Variants in UNKL observed in about 807,000 individuals in gnomAD.
UNKL encodes the protein unk like zinc finger.
UNKL carries 60 observed loss-of-function variants against 78.0 expected under a neutral mutation model. The observed-to-expected ratio is 0.77, with a 90% CI of 0.63 to 0.95. UNKL has a LOEUF of 0.95. Among genes scored for constraint, UNKL ranks in the 40% least tolerant of loss-of-function variants. UNKL has a pLI of 0.00. For synonymous variants in UNKL, 608 were observed against 474.8 expected, an observed-to-expected ratio of 1.28 and a Z score of -3.65; for missense variants, 1,159 against 1,045.7, an observed-to-expected ratio of 1.11 and a Z score of -1.49.
intron 9 of UNKL, among the ~76,000 whole-genome samples, chr16:1,386,911 G>C (rs556191144): frequency 4.6e-5 from 7 of 152,276 alleles, no homozygotes; most frequent in African/African-American, 1.4e-4. Context: ...ACAGCCACCA[G>C]AGCTCCCTGC....
chr16:1,413,747 G>A (rs763079050), intron 2 of UNKL, 99 bp downstream of exon 2: 9 of 1,304,076 alleles, frequency 6.9e-6, no homozygotes, highest in African/African-American at 3.0e-5. Context: ...CAGGGGCCAG[G>A]TATGGACACT....
Position 1,403,443 on chromosome 16 carries a change from A to C in UNKL, c.288-99T>G. The stretch of plus-strand genomic sequence containing the variant: ...CCCTGTCAGCACGTGGCAAGCAGTG[A>C]ATTCCCTTCCCTTCTTCCAGATTCC... On this transcript the variant is annotated intron_variant, in intron 2 of 14. Coordinates refer to ENST00000389221, the MANE Select transcript of UNKL (RefSeq NM_001372107.1). This position sits in a 1 kb window ranked among gnomAD's most constrained non-coding sequence, Gnocchi z 4.8. 1 of 1,355,554 alleles carries C rather than the reference A, an allele frequency of 7.4e-7. No homozygotes were observed. The highest frequency in any genetic ancestry group is 1.4e-5 in the South Asian group (1 of 70,944). The allele number at this position is 1,355,554 out of a possible 1,614,324, so 84.0% of individuals were successfully genotyped here.
At chr16:1,374,910 G>A (rs561787190) in intron 10 of UNKL, among the ~76,000 whole-genome samples, 1 of 152,374 alleles carries the variant, frequency 6.6e-6, no homozygotes, top group South Asian at 2.1e-4. Flanking sequence ...AGGCAGGAGG[G>A]TGACTTCTGA....
At chr16:1,366,572 G>A (rs192273533) in intron 14 of UNKL, among the ~76,000 whole-genome samples, 177 bp from the exon 15 acceptor site, 1 of 152,004 alleles carries the variant, frequency 6.6e-6, no homozygotes, top group Non-Finnish European at 1.5e-5. Flanking sequence ...GCAGCTGCGG[G>A]GTCAGGGGGT....
rs191595325 is a variant in UNKL at position 1,390,503 on chromosome 16, G to A, written c.1086+129C>T. 6.7e-4 allele frequency: 643 copies of A among 953,246 alleles called. 3 individuals carry two copies. The highest frequency in any genetic ancestry group is 2.2e-3 in the Middle Eastern group (7 of 3,150). The allele number at this position is 953,246 out of a possible 1,614,324, so 59.0% of individuals were successfully genotyped here. A position where few individuals can be genotyped will look rare whatever the true frequency, so the allele number is the denominator to read the frequency against. On this transcript the variant is annotated intron_variant, in intron 9 of 14. Transcript: ENST00000389221. Reference sequence around the variant, plus strand: ...CGTCAACCAGATGGCTTTGCGAGCCGAGAGTGGGCGGGACCAAGGATGCAT... The same window carrying A: ...CGTCAACCAGATGGCTTTGCGAGCCAAGAGTGGGCGGGACCAAGGATGCAT...
chr16:1,379,459 T>G (rs2036485530), intron 10 of UNKL: 1 of 984,110 alleles, frequency 1.0e-6, no homozygotes, highest in African/African-American at 1.7e-5. Context: ...CGCCTTCGCC[T>G]CGCTCCGGGC....
At chr16:1,408,260 G>GCCC (rs35934973) in intron 2 of UNKL, among the ~76,000 whole-genome samples, 95 of 150,300 alleles carry the variant, frequency 6.3e-4, no homozygotes, top group African/African-American at 1.1e-3. Flanking sequence ...CATGGGAGCT[G>GCCC]CCCCCCCCCC....
chr16:1,390,674 C>G lies in UNKL; in HGVS notation c.1044G>C (p.Pro348=), dbSNP rs947195572. ...QPGNAKRRDS[P]AEGGPRGSEQ... ...CGCTGCCCCTAGGGCCACCCTCGGC[C>G]GGCGAGTCTCTCCGCTTGGCCTGCA... The change falls in exon 9 of 15, where the codon CCG becomes CCC. Residue 348 remains proline (P), a synonymous_variant. Transcript: ENST00000389221. 3 of 1,536,030 alleles carry G rather than the reference C, an allele frequency of 2.0e-6. No individual in the cohort carries two copies. In the Admixed American group the frequency reaches 5.9e-5, roughly 30 times the overall value.
At chr16:1,375,371 C>T (rs538166013) in intron 10 of UNKL, among the ~76,000 whole-genome samples, 36 of 152,158 alleles carry the variant, frequency 2.4e-4, no homozygotes, top group Non-Finnish European at 4.3e-4. Flanking sequence ...GCAGAGGCCA[C>T]CCCCACCCCA....
intron 2 of UNKL, among the ~76,000 whole-genome samples, chr16:1,409,201 C>G (rs936300782): frequency 6.6e-6 from 1 of 152,152 alleles, no homozygotes; most frequent in Admixed American, 6.5e-5. Context: ...CGTGAGCCAC[C>G]GCGCCCAGCC....
chr16:1,400,907 T>G (rs1359565880), intron 4 of UNKL, among the ~76,000 whole-genome samples: 1 of 152,192 alleles, frequency 6.6e-6, no homozygotes, highest in African/African-American at 2.4e-5. Flanking sequence ...CAGGCTGGCC[T>G]CAAACTCCTG....
At chr16:1,379,650 C>T (rs12920864) in intron 10 of UNKL, 92,240 of 984,882 alleles carry the variant, frequency 0.094, 4,736 homozygotes, top group Non-Finnish European at 0.1. Flanking sequence ...ACTCACGGTC[C>T]GCGGCCGCCC....
At chr16:1,406,828 G>A (rs1303270457) in intron 2 of UNKL, among the ~76,000 whole-genome samples, 8 of 152,170 alleles carry the variant, frequency 5.3e-5, no homozygotes, top group South Asian at 2.1e-4. Flanking sequence ...ATTGCAAGAG[G>A]ATCTTTTAAT....
At chr16:1,378,459 A>T (rs2036402849) in intron 10 of UNKL, among the ~76,000 whole-genome samples, 1 of 152,124 alleles carries the variant, frequency 6.6e-6, no homozygotes, top group East Asian at 1.9e-4. Flanking sequence ...AGACGCAAAG[A>T]AGTTGGGGGA....
At chr16:1,367,371 AG>A (rs1258259329) in intron 13 of UNKL, 22 bp from the exon 14 acceptor site, 2 of 1,524,602 alleles carry the variant, frequency 1.3e-6, no homozygotes, top group Non-Finnish European at 1.8e-6. Flanking sequence ...GGCCCGTCTC[AG>A]CACCCCCCAC....
rs1344803169 is a variant in UNKL at position 1,399,362 on chromosome 16, C to T, written c.734+12G>A. The stretch of plus-strand genomic sequence containing the variant: ...CAGCCGGAGTCCTCTGAGCACGGTC[C>T]CGCAGGCTCACCTGTACTGGAACCG... On this transcript the variant is annotated intron_variant, in intron 5 of 14. Coordinates refer to ENST00000389221, the MANE Select transcript of UNKL (RefSeq NM_001372107.1). This position sits in a 1 kb window ranked among gnomAD's most constrained non-coding sequence, Gnocchi z 5.8. 1.3e-6 allele frequency: 2 copies of T among 1,576,620 alleles called. No homozygotes were observed. Among genetic ancestry groups the T allele is most frequent in the African/African-American group, 2.7e-5 (2 of 73,912 alleles).
intron 10 of UNKL, among the ~76,000 whole-genome samples, chr16:1,377,883 C>T (rs967207303): frequency 1.3e-5 from 2 of 152,050 alleles, no homozygotes; most frequent in Admixed American, 1.3e-4. Context: ...CAACCCACAC[C>T]CCCTGAGGCC....
chr16:1,376,250 C>CAT (rs1412607828), intron 10 of UNKL, among the ~76,000 whole-genome samples: 1 of 143,986 alleles, frequency 6.9e-6, no homozygotes, highest in Non-Finnish European at 1.5e-5. Flanking sequence ...AGGGCTGGGG[C>CAT]GCTCCTCCTC....
At chr16:1,384,986 C>T (rs2036752878) in intron 10 of UNKL, among the ~76,000 whole-genome samples, 1 of 152,212 alleles carries the variant, frequency 6.6e-6, no homozygotes, top group East Asian at 1.9e-4. Context: ...TCGTCCCCAG[C>T]GCCTGCGGCA....
Sources: gnomAD v4.1 joint callset for allele counts (sites outside exome capture counted in the v4.1 genomes callset) on GRCh38, gnomAD v4.1.1 for gene constraint, Gnocchi (gnomAD v3.1) non-coding constraint, MANE v1.5 for transcripts, NCBI Gene and HGNC (gene_info 2026-07-23, HGNC 2026-07-21) for gene names.